The following RABGAP1L variants were observed in gnomAD, a reference collection of about 807,000 sequenced individuals.
The protein encoded by RABGAP1L is RAB GTPase activating protein 1 like, also known as rab GTPase-activating protein 1-like.
RABGAP1L carries 63 observed loss-of-function variants against 137.7 expected under a neutral mutation model. The ratio of observed to expected loss-of-function variants is 0.46; its 90% CI spans 0.37 to 0.56. The LOEUF is 0.56. Among genes scored for constraint, RABGAP1L ranks in the 20% least tolerant of loss-of-function variants. RABGAP1L has a pLI of 0.00. For missense variants in RABGAP1L, 1,095 were observed against 1,244.0 expected (o/e 0.88, Z 1.80); for synonymous variants, 431 against 433.7 (o/e 0.99, Z 0.08).
At chr1:174,172,615 T>C (rs55842601) in intron 1 of RABGAP1L, among the ~76,000 whole-genome samples, 8,464 of 152,310 alleles carry the variant, frequency 0.056, 323 homozygotes, top group Non-Finnish European at 0.085. Flanking sequence ...TCAGTGCTTT[T>C]TCATATACCT....
intron 13 of RABGAP1L, among the ~76,000 whole-genome samples, chr1:174,460,634 G>A (rs929218678): frequency 5.3e-5 from 8 of 152,076 alleles, no homozygotes; most frequent in African/African-American, 1.4e-4. Context: ...TGCCAAATTG[G>A]TTTCCCAAAG....
chr1:174,934,198 C>T (rs1016670135), intron 19 of RABGAP1L, among the ~76,000 whole-genome samples: 2 of 152,040 alleles, frequency 1.3e-5, no homozygotes, highest in Admixed American at 1.3e-4. Flanking sequence ...AAGCAATTCT[C>T]CTGCCTCAGC....
intron 1 of RABGAP1L, among the ~76,000 whole-genome samples, chr1:174,170,360 G>A (rs1453305601): frequency 1.3e-5 from 2 of 152,070 alleles, no homozygotes; most frequent in East Asian, 3.9e-4. Context: ...GAGGAAGCAG[G>A]ATTAGAGAAC....
chr1:174,446,217 A>C (rs1446692454), intron 13 of RABGAP1L, among the ~76,000 whole-genome samples: 1 of 152,230 alleles, frequency 6.6e-6, no homozygotes, highest in Non-Finnish European at 1.5e-5. Context: ...AGCCCAGCCT[A>C]GCAGCTGATA....
intron 19 of RABGAP1L, among the ~76,000 whole-genome samples, chr1:174,884,681 G>C (rs1229385706): frequency 6.6e-6 from 1 of 152,220 alleles, no homozygotes; most frequent in East Asian, 1.9e-4. Context: ...GGACAGCAAA[G>C]TGTGTTCCTT....
At chr1:174,504,698 A>G (rs954513977) in intron 13 of RABGAP1L, among the ~76,000 whole-genome samples, 1 of 152,222 alleles carries the variant, frequency 6.6e-6, no homozygotes, top group South Asian at 2.1e-4. Flanking sequence ...TTAGAGCCTC[A>G]TTTCATACCA....
At chr1:174,359,522 A>G (rs1028089135) in intron 11 of RABGAP1L, among the ~76,000 whole-genome samples, 1 of 151,880 alleles carries the variant, frequency 6.6e-6, no homozygotes, top group Non-Finnish European at 1.5e-5. Context: ...CTTGCCCCCA[A>G]TTTACTGTTT....
intron 18 of RABGAP1L, chr1:174,757,195 C>T (rs1345533181): frequency 3.3e-6 from 1 of 306,948 alleles, no homozygotes; most frequent in Non-Finnish European, 6.6e-6. Flanking sequence ...GCCTATACCT[C>T]AAGCCACTAG....
In RABGAP1L at chr1:174,774,140, A is replaced by G. The variant is rs189312806; in HGVS notation, c.2211+21786A>G. 3.6e-3 allele frequency among the ~76,000 whole-genome samples: 541 copies of G among 152,348 alleles called. 8 individuals are homozygous for G. The highest frequency in any genetic ancestry group is 0.011 in the African/African-American group (478 of 41,590). Reference sequence around the variant, plus strand: ...ATGCAGGTTGAGAAAAGGCTGAAATATGCTCCTTTTGCTAGAAATGTAATA... The same window carrying G: ...ATGCAGGTTGAGAAAAGGCTGAAATGTGCTCCTTTTGCTAGAAATGTAATA... On this transcript the variant is annotated intron_variant, in intron 18 of 25. Transcript: ENST00000681986.
chr1:174,488,272 A>G (rs1213394873), intron 13 of RABGAP1L, among the ~76,000 whole-genome samples: 1 of 150,810 alleles, frequency 6.6e-6, no homozygotes, highest in Non-Finnish European at 1.5e-5. Context: ...TTTCTCCCTC[A>G]TGTTTGAAGG....
intron 18 of RABGAP1L, among the ~76,000 whole-genome samples, chr1:174,781,772 G>C (rs551556139): frequency 6.6e-6 from 1 of 152,240 alleles, no homozygotes; most frequent in East Asian, 1.9e-4. Flanking sequence ...TCCAGTTTCA[G>C]GTTTCTACAT....
intron 10 of RABGAP1L, among the ~76,000 whole-genome samples, chr1:174,295,220 T>G (rs1677013813): frequency 6.6e-6 from 1 of 151,122 alleles, no homozygotes. Context: ...CCCGGACTTT[T>G]TTTTTTTTTT....
At chr1:174,878,304 G>A (rs76828045) in intron 19 of RABGAP1L, among the ~76,000 whole-genome samples, 11,655 of 152,140 alleles carry the variant, frequency 0.077, 633 homozygotes, top group East Asian at 0.32. Context: ...TTGGCTCACC[G>A]CAGCCGTTGC....
At chr1:174,824,211 A>C (rs1691334101) in intron 19 of RABGAP1L, among the ~76,000 whole-genome samples, 1 of 152,142 alleles carries the variant, frequency 6.6e-6, no homozygotes, top group Non-Finnish European at 1.5e-5. Context: ...AGTCTCTTGA[A>C]CCAGGAAGGC....
At chr1:174,576,710 T>G (rs1668399698) in intron 13 of RABGAP1L, among the ~76,000 whole-genome samples, 1 of 152,232 alleles carries the variant, frequency 6.6e-6, no homozygotes, top group Non-Finnish European at 1.5e-5. Flanking sequence ...TATATCACAC[T>G]GCTGAAACTG....
At chr1:174,670,525 A>G (rs1037594596) in intron 14 of RABGAP1L, among the ~76,000 whole-genome samples, 1 of 151,938 alleles carries the variant, frequency 6.6e-6, no homozygotes, top group African/African-American at 2.4e-5. Context: ...AATCATCCCC[A>G]CCTTTTCTCT....
intron 5 of RABGAP1L, chr1:174,246,063 C>T (rs999810464): frequency 8.5e-5 from 13 of 152,082 alleles, no homozygotes; most frequent in Admixed American, 2.0e-4. Context: ...ACCTTTGTTA[C>T]TTAATAACAG....
intron 15 of RABGAP1L, 135 bp downstream of exon 15, chr1:174,683,731 T>G: frequency 1.7e-6 from 1 of 587,296 alleles, no homozygotes; most frequent in Non-Finnish European, 2.9e-6. Flanking sequence ...AAAATGTACG[T>G]TAGGTGATAA....
chr1:174,408,945 T>G (rs1244904364), intron 13 of RABGAP1L, among the ~76,000 whole-genome samples: 1 of 152,192 alleles, frequency 6.6e-6, no homozygotes, highest in African/African-American at 2.4e-5. Context: ...TTAAGTTCCT[T>G]ATAGATTCTA....
Sources: gnomAD v4.1 joint callset for allele counts (sites outside exome capture counted in the v4.1 genomes callset) on GRCh38, gnomAD v4.1.1 for gene constraint, MANE v1.5 for transcripts, NCBI Gene and HGNC (gene_info 2026-07-23, HGNC 2026-07-21) for gene names.